PRRG1: variants seen among roughly 807,000 people sequenced by gnomAD.
PRRG1 encodes the protein proline rich and Gla domain 1.
PRRG1 carries 5 observed loss-of-function variants against 11.8 expected under a neutral mutation model. The observed-to-expected ratio is 0.42, with a 90% CI of 0.22 to 0.89. PRRG1 has a LOEUF of 0.89. PRRG1 is among the 40% of genes least tolerant of loss of function. The probability of loss-of-function intolerance (pLI) is 0.28; values close to 1 mark genes in which losing one functional copy is unlikely to be tolerated. For synonymous variants in PRRG1, 66 were observed against 60.4 expected, an observed-to-expected ratio of 1.09 and a Z score of -0.43; for missense variants, 155 against 166.1, an observed-to-expected ratio of 0.93 and a Z score of 0.37.
chrX:37,433,584 G>C (rs782185077), intron 3 of PRRG1, among the ~76,000 whole-genome samples: 2 of 103,543 alleles, frequency 1.9e-5, no homozygotes, highest in African/African-American at 7.1e-5. Context: ...TTTTTTAATT[G>C]TTACCTCCCC....
chrX:37,412,428 A>G (rs1485825113), intron 2 of PRRG1, among the ~76,000 whole-genome samples: 3 of 109,350 alleles, frequency 2.7e-5, no homozygotes, highest in African/African-American at 1.0e-4. Context: ...CAAGCCCTGT[A>G]AAGTAACTGT....
chrX:37,393,695 A>G (rs192614877), intron 1 of PRRG1, among the ~76,000 whole-genome samples: 1 of 112,163 alleles, frequency 8.9e-6, no homozygotes, highest in African/African-American at 3.2e-5. Context: ...TCCTTTATTT[A>G]TAGTTAAACA....
At chrX:37,449,000 G>C (rs5917624) in intron 3 of PRRG1, among the ~76,000 whole-genome samples, 18,072 of 110,610 alleles carry the variant, frequency 0.16, 1,890 homozygotes, top group African/African-American at 0.38. Context: ...TACTACCTTA[G>C]AGACAAAGAA....
intron 3 of PRRG1, among the ~76,000 whole-genome samples, chrX:37,432,754 T>C (rs575714126): frequency 1.8e-5 from 2 of 112,197 alleles, no homozygotes; most frequent in South Asian, 7.5e-4. Flanking sequence ...AACTTCCAAA[T>C]TTATATTTGT....
At chrX:37,445,520 A>G (rs1370011336) in intron 3 of PRRG1, among the ~76,000 whole-genome samples, 3 of 112,417 alleles carry the variant, frequency 2.7e-5, no homozygotes, top group Non-Finnish European at 5.6e-5. Context: ...CTGAAAAATA[A>G]TACTGATGCT....
intron 1 of PRRG1, among the ~76,000 whole-genome samples, chrX:37,375,647 T>C (rs1409036832): frequency 1.1e-4 from 12 of 111,496 alleles, no homozygotes; most frequent in African/African-American, 3.3e-4. Context: ...TGAGTATCTC[T>C]GGATTTAGGT....
intron 1 of PRRG1, among the ~76,000 whole-genome samples, chrX:37,350,176 A>T (rs1221297769): frequency 8.9e-6 from 1 of 111,869 alleles, no homozygotes; most frequent in Non-Finnish European, 1.9e-5. Flanking sequence ...CAAGAGGGAT[A>T]TGACTGGAAA....
chrX:37,407,635 G>A (rs1342773166), intron 2 of PRRG1, among the ~76,000 whole-genome samples: 1 of 111,982 alleles, frequency 8.9e-6, no homozygotes, highest in Admixed American at 9.5e-5. Flanking sequence ...GTTGTCGTTG[G>A]CATAATGTGA....
In PRRG1 at chrX:37,441,649, G is replaced by C. The variant is rs781910486; in HGVS notation, c.172-11487G>C. On this transcript the variant is annotated intron_variant, in intron 3 of 3. Transcript: ENST00000378628. ...GTACCTGTCCATGGCCTTCTACTTC[G>C]ACCGGGACAATGCGGCCCTGGAGCA... 1.1e-5 allele frequency: 9 copies of C among 799,611 alleles called. No individual in the cohort carries two copies. The South Asian group carries it at 1.6e-4, about 14-fold the overall frequency. 65.9% of individuals were successfully genotyped at this position (799,611 alleles called of 1,213,427 possible).
At chrX:37,400,255 A>T (rs1408115832) in intron 1 of PRRG1, among the ~76,000 whole-genome samples, 3 of 111,948 alleles carry the variant, frequency 2.7e-5, no homozygotes, top group Non-Finnish European at 5.6e-5. Context: ...CAGCAAATGT[A>T]AAAGAACAGA....
intron 2 of PRRG1, among the ~76,000 whole-genome samples, chrX:37,418,217 A>G (rs1435651692): frequency 1.8e-5 from 2 of 112,234 alleles, no homozygotes; most frequent in African/African-American, 3.2e-5. Context: ...TCCTTATCCT[A>G]TAGTTTCACT....
chrX:37,428,008 G>A (rs949715901), intron 3 of PRRG1, among the ~76,000 whole-genome samples: 1 of 111,246 alleles, frequency 9.0e-6, no homozygotes, highest in African/African-American at 3.3e-5. Context: ...GGAAACCCTC[G>A]ATAAACCCAT....
intron 1 of PRRG1, among the ~76,000 whole-genome samples, chrX:37,399,918 A>G (rs1444415357): frequency 9.0e-6 from 1 of 111,396 alleles, no homozygotes; most frequent in Non-Finnish European, 1.9e-5. Flanking sequence ...GATCAATTCA[A>G]CAAGAACAGC....
At chrX:37,434,263 G>C (rs782584993) in intron 3 of PRRG1, among the ~76,000 whole-genome samples, 1 of 112,077 alleles carries the variant, frequency 8.9e-6, no homozygotes, top group East Asian at 2.8e-4. Context: ...TACAATGGGA[G>C]AAAACATATT....
At chrX:37,356,107 G>A (rs1329171227) in intron 1 of PRRG1, among the ~76,000 whole-genome samples, 6 of 112,020 alleles carry the variant, frequency 5.4e-5, no homozygotes, top group Admixed American at 3.8e-4. Flanking sequence ...CGCTTGCATC[G>A]TATTTGAGGG....
intron 1 of PRRG1, among the ~76,000 whole-genome samples, chrX:37,386,904 C>G (rs1931349004): frequency 1.8e-5 from 2 of 112,379 alleles, no homozygotes; most frequent in African/African-American, 6.5e-5. Context: ...GTTTGTTATG[C>G]TAAAAGCCTC....
intron 3 of PRRG1, among the ~76,000 whole-genome samples, chrX:37,436,166 T>G (rs139947618): frequency 0.023 from 2,609 of 111,456 alleles, 38 homozygotes; most frequent in Middle Eastern, 0.037. Context: ...AGCTCTGCAG[T>G]GGGTGGTATT....
chrX:37,421,186 CA>C (rs782047562), intron 2 of PRRG1, among the ~76,000 whole-genome samples: 4 of 111,681 alleles, frequency 3.6e-5, no homozygotes, highest in South Asian at 3.8e-4. Flanking sequence ...AAAGTGGTTA[CA>C]TTTTTTTGAA....
chrX:37,415,202 A>T (rs782364755), intron 2 of PRRG1, among the ~76,000 whole-genome samples: 1 of 111,835 alleles, frequency 8.9e-6, no homozygotes, highest in Non-Finnish European at 1.9e-5. Flanking sequence ...TGAGGCCAGG[A>T]GTTCGAGACC....
Sources: gnomAD v4.1 joint callset for allele counts (sites outside exome capture counted in the v4.1 genomes callset) on GRCh38, gnomAD v4.1.1 for gene constraint, MANE v1.5 for transcripts, NCBI Gene and HGNC (gene_info 2026-07-23, HGNC 2026-07-21) for gene names.